Variants in RBFOX2 observed in about 807,000 individuals in gnomAD.
The protein encoded by RBFOX2 is RNA binding fox-1 homolog 2.
In RBFOX2, 10 loss-of-function variants were observed where a neutral mutation model predicts 49.1. The observed-to-expected ratio is 0.20, with a 90% CI of 0.13 to 0.35. RBFOX2 has a LOEUF of 0.35. Among genes scored for constraint, RBFOX2 ranks in the 10% least tolerant of loss-of-function variants. The probability of loss-of-function intolerance (pLI) is 1.00; values close to 1 mark genes in which losing one functional copy is unlikely to be tolerated. For synonymous variants in RBFOX2, 183 were observed against 187.4 expected (o/e 0.98, Z 0.19); for missense variants, 323 against 486.9 (o/e 0.66, Z 3.17).
intron 1 of RBFOX2, among the ~76,000 whole-genome samples, chr22:36,021,312 G>A (rs2059239544): frequency 6.6e-6 from 1 of 151,578 alleles, no homozygotes; most frequent in Non-Finnish European, 1.5e-5. Flanking sequence ...GAGTTAATGG[G>A]TGCAGCCACA....
intron 1 of RBFOX2, among the ~76,000 whole-genome samples, chr22:35,876,813 G>GA: frequency 6.6e-6 from 1 of 151,898 alleles, no homozygotes; most frequent in East Asian, 1.9e-4. Flanking sequence ...AAACGTTTGA[G>GA]CACACTGTAC....
chr22:35,899,566 CA>C (rs398061920), intron 1 of RBFOX2, among the ~76,000 whole-genome samples: 1,254 of 89,872 alleles, frequency 0.014, 9 homozygotes, highest in Middle Eastern at 0.022. Flanking sequence ...TAAAACAAAA[CA>C]AAAAAAAAAA....
intron 1 of RBFOX2, among the ~76,000 whole-genome samples, chr22:35,892,418 C>T (rs528679685): frequency 3.9e-5 from 6 of 152,248 alleles, no homozygotes; most frequent in Admixed American, 2.0e-4. Flanking sequence ...GCATAGAGAG[C>T]GCACAAGATA....
intron 1 of RBFOX2, among the ~76,000 whole-genome samples, chr22:35,816,969 CAT>C (rs1392497787): frequency 6.6e-6 from 1 of 152,154 alleles, no homozygotes; most frequent in Admixed American, 6.6e-5. Context: ...TAAAAATGCA[CAT>C]GTCAAGATCC....
intron 1 of RBFOX2, among the ~76,000 whole-genome samples, chr22:35,948,403 A>C (rs2054552970): frequency 6.6e-6 from 1 of 152,216 alleles, no homozygotes; most frequent in South Asian, 2.1e-4. Context: ...TACATAAATA[A>C]TAAATAAAAT....
intron 1 of RBFOX2, among the ~76,000 whole-genome samples, chr22:35,930,451 A>G (rs2052258306): frequency 6.6e-6 from 1 of 152,206 alleles, no homozygotes; most frequent in African/African-American, 2.4e-5. Context: ...ATAAATAGTC[A>G]TAATAATTAT....
At chr22:35,754,707 T>C (rs970752844) in intron 9 of RBFOX2, among the ~76,000 whole-genome samples, 1 of 152,256 alleles carries the variant, frequency 6.6e-6, no homozygotes, top group South Asian at 2.1e-4. Context: ...GGAAAAAAGA[T>C]ATCTTTCATT....
intron 6 of RBFOX2, among the ~76,000 whole-genome samples, chr22:35,761,999 A>T (rs1163588835): frequency 6.6e-6 from 1 of 152,158 alleles, no homozygotes; most frequent in Non-Finnish European, 1.5e-5. Flanking sequence ...TTTTACTCGG[A>T]TTTACCATTG....
intron 1 of RBFOX2, among the ~76,000 whole-genome samples, chr22:36,025,336 T>C (rs1423624772): frequency 6.6e-6 from 1 of 152,186 alleles, no homozygotes; most frequent in Non-Finnish European, 1.5e-5. Context: ...ACTTCACTCA[T>C]AGGCCATCTA....
upstream of RBFOX2, among the ~76,000 whole-genome samples, chr22:35,963,794 G>A (rs943645976): frequency 6.6e-6 from 1 of 152,164 alleles, no homozygotes; most frequent in African/African-American, 2.4e-5. Flanking sequence ...CGCCCAGGCT[G>A]GAGTGCGGTC....
At chr22:35,848,757 GAATT>G (rs1338535283) in intron 1 of RBFOX2, among the ~76,000 whole-genome samples, 1 of 152,142 alleles carries the variant, frequency 6.6e-6, no homozygotes, top group Admixed American at 6.5e-5. Context: ...CTTTAATTCA[GAATT>G]AATTGTATTA....
chr22:35,799,261 T>C (rs1949334364), intron 2 of RBFOX2, among the ~76,000 whole-genome samples: 1 of 152,182 alleles, frequency 6.6e-6, no homozygotes. Context: ...TTTAGAAAAG[T>C]ATCTAAAGAT....
exon 12 of RBFOX2, chr22:35,743,149 G>A (rs1231062480): frequency 6.6e-6 from 1 of 152,220 alleles, no homozygotes; most frequent in East Asian, 1.9e-4. Context: ...TACTTTCTGA[G>A]GCAAGAAAAA....
exon 1 of RBFOX2, chr22:36,028,543 C>G (rs537050261): frequency 1.8e-5 from 16 of 913,512 alleles, no homozygotes; most frequent in Non-Finnish European, 2.1e-5. Flanking sequence ...CCCCCGCGTG[C>G]GTGCGTGCGT....
intron 1 of RBFOX2, among the ~76,000 whole-genome samples, chr22:35,933,346 GT>G (rs1326926886): frequency 6.6e-6 from 1 of 152,148 alleles, no homozygotes; most frequent in Non-Finnish European, 1.5e-5. Context: ...TATTAGTTGG[GT>G]TTTTTGTGTA....
intron 2 of RBFOX2, among the ~76,000 whole-genome samples, chr22:35,791,657 T>G (rs1947685979): frequency 6.6e-6 from 1 of 152,186 alleles, no homozygotes; most frequent in African/African-American, 2.4e-5. Flanking sequence ...TAGAAACAGT[T>G]TAACTTGTAA....
At chr22:36,011,936 T>C (rs909277400) in intron 1 of RBFOX2, among the ~76,000 whole-genome samples, 2 of 152,188 alleles carry the variant, frequency 1.3e-5, no homozygotes, top group Admixed American at 1.3e-4. Context: ...ATGAGTATAC[T>C]GACTATTTTC....
intron 1 of RBFOX2, among the ~76,000 whole-genome samples, chr22:35,950,491 T>G (rs1376729065): frequency 2.0e-5 from 3 of 152,184 alleles, no homozygotes; most frequent in Non-Finnish European, 2.9e-5. Context: ...CAGCAGCTAG[T>G]AGCTTCCCTC....
intron 3 of RBFOX2, 63 bp from the exon 5 acceptor site, chr22:35,778,141 C>G: frequency 2.3e-6 from 3 of 1,317,578 alleles, no homozygotes; most frequent in Non-Finnish European, 3.2e-6. Flanking sequence ...ATTTTGTTAT[C>G]TTCTGAAATG....
Sources: gnomAD v4.1 joint callset for allele counts (sites outside exome capture counted in the v4.1 genomes callset) on GRCh38, gnomAD v4.1.1 for gene constraint, MANE v1.5 for transcripts, NCBI Gene and HGNC (gene_info 2026-07-23, HGNC 2026-07-21) for gene names.